FGFR2: variants seen among roughly 807,000 people sequenced by gnomAD.
FGFR2 encodes fibroblast growth factor receptor 2.
In FGFR2, 19 loss-of-function variants were observed where a neutral mutation model predicts 95.9. That is an observed-to-expected ratio of 0.20 (90% CI 0.14 to 0.29). The LOEUF is 0.29. Ranked by LOEUF, FGFR2 falls within the 10% of genes least tolerant of loss-of-function variation. FGFR2 has a pLI of 1.00. For missense variants in FGFR2, 707 were observed against 1,056.9 expected (o/e 0.67, Z 4.59); for synonymous variants, 392 against 393.3 (o/e 1.00, Z 0.04).
chr10:121,495,043 TTG>T (rs1846600463), intron 13 of FGFR2, among the ~76,000 whole-genome samples: 1 of 152,188 alleles, frequency 6.6e-6, no homozygotes, highest in African/African-American at 2.4e-5. Flanking sequence ...CCAGCAGTTT[TTG>T]TCTTTCGAGA....
At chr10:121,492,900 A>G (rs1200378539) in intron 13 of FGFR2, among the ~76,000 whole-genome samples, 1 of 152,092 alleles carries the variant, frequency 6.6e-6, no homozygotes, top group Non-Finnish European at 1.5e-5. Context: ...CCCGCCCCCC[A>G]CGTGGAATCT....
intron 4 of FGFR2, 112 bp downstream of exon 4, chr10:121,564,390 A>G: frequency 1.0e-6 from 1 of 998,940 alleles, no homozygotes; most frequent in Non-Finnish European, 1.6e-6. Flanking sequence ...GGGAAAGGCA[A>G]GGGCCGCGGG....
intron 10 of FGFR2, among the ~76,000 whole-genome samples, chr10:121,503,036 C>G (rs1339154998): frequency 6.6e-6 from 1 of 152,222 alleles, no homozygotes; most frequent in Admixed American, 6.5e-5. Context: ...CTGCTCAGTC[C>G]TGGGAGGTCT....
chr10:121,525,448 G>A lies in FGFR2; in HGVS notation c.749-5279C>T, dbSNP rs546270222. Among the ~76,000 whole-genome samples, 8 of 152,132 alleles carry A rather than the reference G, an allele frequency of 5.3e-5. No homozygotes were observed. In the South Asian group the frequency reaches 1.0e-3, roughly 20 times the overall value. On this transcript the variant is annotated intron_variant, in intron 6 of 17. Coordinates refer to ENST00000358487, the MANE Select transcript of FGFR2 (RefSeq NM_000141.5). ...CCAGCGTTCTCTCTCTCTCACTCTC[G>A]GTCTCGCCCCCTTTCTTCAAGTGTC...
At chr10:121,572,726 C>T (rs576259100) in intron 2 of FGFR2, among the ~76,000 whole-genome samples, 6 of 152,302 alleles carry the variant, frequency 3.9e-5, no homozygotes, top group Admixed American at 1.3e-4. Flanking sequence ...CCTAAGAAAA[C>T]CATCCTGTTA....
chr10:121,572,420 A>T (rs1858953253), intron 2 of FGFR2, among the ~76,000 whole-genome samples: 1 of 152,200 alleles, frequency 6.6e-6, no homozygotes, highest in East Asian at 1.9e-4. Context: ...CAGAAGTTCG[A>T]GACCAGCCTC....
At chr10:121,502,363 TG>T (rs1474198407) in intron 10 of FGFR2, among the ~76,000 whole-genome samples, 11 of 152,192 alleles carry the variant, frequency 7.2e-5, no homozygotes, top group Admixed American at 7.2e-4. Flanking sequence ...ATGCCTTGAG[TG>T]AATGAATAAG....
At chr10:121,496,943 C>T (rs1198209181) in intron 12 of FGFR2, among the ~76,000 whole-genome samples, 1 of 151,196 alleles carries the variant, frequency 6.6e-6, no homozygotes, top group Non-Finnish European at 1.5e-5. Flanking sequence ...CCAGCCTGGC[C>T]AGCATAGCGA....
intron 6 of FGFR2, chr10:121,538,029 AG>A: frequency 3.4e-6 from 1 of 295,518 alleles, no homozygotes; most frequent in East Asian, 6.2e-5. Flanking sequence ...TGTATTTATA[AG>A]CTCATATACA....
At chr10:121,505,493 G>A (rs962121816) in intron 9 of FGFR2, among the ~76,000 whole-genome samples, 16 of 152,154 alleles carry the variant, frequency 1.1e-4, no homozygotes, top group African/African-American at 2.2e-4. Flanking sequence ...TTTTAAAAGC[G>A]GGAACTAAAG....
At chr10:121,483,874 G>A (rs2133773669) in intron 16 of FGFR2, 71 bp from the exon 17 acceptor site, 1 of 1,089,530 alleles carries the variant, frequency 9.2e-7, no homozygotes. Context: ...GTTTTAATAG[G>A]CAATATGGGG....
At chr10:121,564,757 C>CAGTTG (rs1255684540) in intron 3 of FGFR2, among the ~76,000 whole-genome samples, 178 bp from the exon 4 acceptor site, 6 of 152,128 alleles carry the variant, frequency 3.9e-5, no homozygotes, top group Admixed American at 2.0e-4. Context: ...TCCATGATGA[C>CAGTTG]AGTTGGTCTA....
intron 9 of FGFR2, 132 bp downstream of exon 9, chr10:121,514,985 C>T: frequency 1.2e-6 from 1 of 860,414 alleles, no homozygotes; most frequent in Non-Finnish European, 1.9e-6. Flanking sequence ...GGGTGACCGC[C>T]AAGCATCACA....
At chr10:121,555,147 CG>C in intron 4 of FGFR2, among the ~76,000 whole-genome samples, 1 of 152,196 alleles carries the variant, frequency 6.6e-6, no homozygotes, top group South Asian at 2.1e-4. Context: ...CCGAGGTGGG[CG>C]GATCACCTGA....
intron 2 of FGFR2, among the ~76,000 whole-genome samples, chr10:121,577,824 G>A (rs1860170018): frequency 1.3e-5 from 2 of 152,000 alleles, no homozygotes; most frequent in Admixed American, 1.3e-4. Context: ...GATGTCTACA[G>A]AGGTCGTATC....
At chr10:121,536,757 C>CT (rs1157105955) in intron 6 of FGFR2, among the ~76,000 whole-genome samples, 1 of 152,208 alleles carries the variant, frequency 6.6e-6, no homozygotes, top group East Asian at 1.9e-4. Context: ...TGGCCGCCAT[C>CT]TGACTCCACG....
chr10:121,561,733 T>C (rs936198953), intron 4 of FGFR2, among the ~76,000 whole-genome samples: 8 of 152,250 alleles, frequency 5.3e-5, no homozygotes, highest in Non-Finnish European at 8.8e-5. Flanking sequence ...CAAGAGACAC[T>C]GTCAAGAGAA....
rs2134289113 is a variant in FGFR2, at chr10:121,518,868, G to A, written c.939+1111C>T. 1 of 1,613,546 alleles carries A rather than the reference G, an allele frequency of 6.2e-7. No individual in the cohort carries two copies. On this transcript the variant is annotated intron_variant, in intron 7 of 17. Coordinates refer to ENST00000358487, the MANE Select transcript of FGFR2 (RefSeq NM_000141.5). The surrounding 1 kb of genome is among the most constrained non-coding windows in gnomAD (Gnocchi z 4.0). ...AGGAGAACAATATAACGGCCAACCAGGAAGGTCTTAGCATTGTCTATGGTC... is the reference window on the plus strand; with the variant it reads ...AGGAGAACAATATAACGGCCAACCAAGAAGGTCTTAGCATTGTCTATGGTC...
Position 121,593,895 on chromosome 10 carries a change from C to A in FGFR2, c.-78G>T, listed in dbSNP as rs772523670. 3.7e-6 allele frequency: 5 copies of A among 1,359,820 alleles called. No individual in the cohort carries two copies. The African/African-American group carries it at 7.2e-5, about 19-fold the overall frequency. The allele number at this position is 1,359,820 out of a possible 1,614,324, so 84.2% of individuals were successfully genotyped here. A position where few individuals can be genotyped will look rare whatever the true frequency, so the allele number is the denominator to read the frequency against. ...CCCATCTGCACACTTCCTCTACGGG[C>A]ATGGACTACGCGCAATGCCTTCAGC... On this transcript the variant is annotated 5_prime_UTR_variant, in exon 2 of 18. It removes an upstream start codon present in the reference 5' UTR. Coordinates refer to ENST00000358487, the MANE Select transcript of FGFR2 (RefSeq NM_000141.5).
Sources: allele counts gnomAD v4.1 joint callset (sites outside exome capture counted in the v4.1 genomes callset), GRCh38; gene constraint gnomAD v4.1.1; non-coding constraint Gnocchi (gnomAD v3.1); transcripts MANE v1.5; gene names NCBI Gene and HGNC (gene_info 2026-07-23, HGNC 2026-07-21).